The following ATIC variants were observed in gnomAD, a reference collection of about 807,000 sequenced individuals.
ATIC encodes bifunctional purine biosynthesis protein ATIC.
Under a neutral mutation model 72.5 loss-of-function variants are expected in ATIC, and 64 were observed. The observed-to-expected ratio is 0.88, with a 90% CI of 0.72 to 1.09. ATIC has a LOEUF of 1.09. ATIC is among the 50% of genes least tolerant of loss of function. The pLI, the probability that ATIC is intolerant of heterozygous loss-of-function variation, is 0.00. For missense variants in ATIC, 787 were observed against 732.4 expected, an observed-to-expected ratio of 1.07 and a Z score of -0.86; for synonymous variants, 281 against 267.1, an observed-to-expected ratio of 1.05 and a Z score of -0.51.
chr2:215,317,642 C>A (rs183529697), intron 2 of ATIC, among the ~76,000 whole-genome samples: 1 of 151,992 alleles, frequency 6.6e-6, no homozygotes, highest in Admixed American at 6.6e-5. Flanking sequence ...CCCGCCATCA[C>A]GCTCGGCTAA....
At chr2:215,355,314 C>G in the ATIC span, among the ~76,000 whole-genome samples, 1 of 152,142 alleles carries the variant, frequency 6.6e-6, no homozygotes, top group South Asian at 2.1e-4. Context: ...TGGAGTTTCA[C>G]TGGTGTTTAA....
intron 12 of ATIC, among the ~76,000 whole-genome samples, chr2:215,339,253 C>T (rs2052990741): frequency 6.6e-6 from 1 of 152,204 alleles, no homozygotes; most frequent in South Asian, 2.1e-4. Context: ...GGTGCAGTAG[C>T]TGACATTTGT....
intron 2 of ATIC, among the ~76,000 whole-genome samples, chr2:215,317,331 T>C (rs1161311476): frequency 6.6e-6 from 1 of 152,234 alleles, no homozygotes; most frequent in Non-Finnish European, 1.5e-5. Context: ...TCCTCACATA[T>C]TTAATTTTGC....
chr2:215,346,817 A>G lies in ATIC; in HGVS notation c.1379A>G (p.Asp460Gly). Residue 460 changes from aspartate to glycine, a missense_variant, in exon 14 of 16, where the codon GAT (aspartate) becomes GGT (glycine). By Grantham distance (94) the Asp-to-Gly change is moderately conservative. Transcript: ENST00000236959. Reference sequence around the variant, plus strand: ...ATACACTGCACTCGCCTTGCAGGAGATAAGGCAAACTATTGGTGGCTTAGA... The same window carrying G: ...ATACACTGCACTCGCCTTGCAGGAGGTAAGGCAAACTATTGGTGGCTTAGA... ...SRIHCTRLAG[D>G]KANYWWLRHH... The G allele has an allele frequency of 6.2e-6, 10 of 1,614,182 alleles. No individual in the cohort carries two copies. The highest frequency in any genetic ancestry group is 1.1e-5 in the South Asian group (1 of 91,082).
In ATIC at chr2:215,312,602, A is replaced by G. The variant is rs1264031936; in HGVS notation, c.124A>G (p.Arg42Gly). 7 of 1,614,220 alleles carry G rather than the reference A, an allele frequency of 4.3e-6. No homozygotes were observed. Among genetic ancestry groups the G allele is most frequent in the Non-Finnish European group, 5.9e-6 (7 of 1,180,032 alleles). Residue 42 changes from arginine to glycine, a missense_variant, in exon 2 of 16, where the codon AGG becomes GGG. Transcript: ENST00000236959. The part of the protein sequence containing the change: ...VASGGTAKAL[R>G]DAGLAVRDVS... The stretch of plus-strand genomic sequence containing the variant: ...TTCCGGAGGGACTGCAAAAGCTCTC[A>G]GGGATGCTGGTCTGGCAGTCAGGTA...
chr2:215,361,412 T>C, the ATIC span: 1 of 764,996 alleles, frequency 1.3e-6, no homozygotes, highest in Non-Finnish European at 2.4e-6. Context: ...AAGCTGTGAG[T>C]TGAGCTGAAG....
At chr2:215,314,544 G>A (rs2052689218) in intron 2 of ATIC, among the ~76,000 whole-genome samples, 1 of 151,844 alleles carries the variant, frequency 6.6e-6, no homozygotes, top group Admixed American at 6.6e-5. Flanking sequence ...TGTTGCTCAG[G>A]CTGGAGTGCA....
At chr2:215,345,023 T>C (rs2053058249) in intron 13 of ATIC, 152 bp downstream of exon 13, 1 of 811,282 alleles carries the variant, frequency 1.2e-6, no homozygotes, top group South Asian at 1.5e-5. Context: ...AGTACCCTGG[T>C]GGGCTGTTAA....
At chr2:215,335,876 A>G in intron 10 of ATIC, 159 bp from the exon 11 acceptor site, 3 of 620,174 alleles carry the variant, frequency 4.8e-6, no homozygotes, top group Non-Finnish European at 8.5e-6. Flanking sequence ...CTGTATTCTA[A>G]TAGATTTCTC....
At chr2:215,324,605 G>A (rs2052802473) in intron 4 of ATIC, among the ~76,000 whole-genome samples, 1 of 152,140 alleles carries the variant, frequency 6.6e-6, no homozygotes, top group African/African-American at 2.4e-5. Flanking sequence ...GTTTTCAGCA[G>A]TTAGGCTTGT....
the ATIC span, among the ~76,000 whole-genome samples, chr2:215,367,401 A>C: frequency 6.6e-6 from 1 of 152,174 alleles, no homozygotes. Flanking sequence ...TGTGTGACGC[A>C]AAAGTGTGTG....
chr2:215,356,880 T>A, the ATIC span, among the ~76,000 whole-genome samples: 1 of 152,278 alleles, frequency 6.6e-6, no homozygotes, highest in South Asian at 2.1e-4. Context: ...CTATGAATGA[T>A]GCTGCTATGA....
Position 215,312,101 on chromosome 2 carries a change from C to T in ATIC, c.-42C>T, listed in dbSNP as rs28366035. 0.16 allele frequency: 242,734 copies of T among 1,529,240 alleles called. 21,125 individuals carry two copies. The highest frequency in any genetic ancestry group is 0.33 in the East Asian group (13,200 of 40,442). The allele number at this position is 1,529,240 out of a possible 1,614,324, so 94.7% of individuals were successfully genotyped here. ...CTCCTACCTGCGCACGTGGTGCCGC[C>T]GCTGCTGCCTCCCGCTCGCCCTGAA... On this transcript the variant is annotated 5_prime_UTR_variant, in exon 1 of 16. Coordinates refer to ENST00000236959, the MANE Select transcript of ATIC (RefSeq NM_004044.7).
intron 7 of ATIC, 66 bp downstream of exon 7, chr2:215,327,044 A>G: frequency 6.9e-6 from 11 of 1,603,426 alleles, no homozygotes; most frequent in Non-Finnish European, 8.5e-6. Flanking sequence ...TCTGTATTGC[A>G]TCTGATGTGG....
intron 4 of ATIC, 136 bp from the exon 5 acceptor site, chr2:215,325,105 T>A: frequency 1.4e-6 from 1 of 693,060 alleles, no homozygotes; most frequent in Non-Finnish European, 2.6e-6. Context: ...TTCTAAAATG[T>A]CAGGCTCACA....
chr2:215,355,020 C>T, the ATIC span, among the ~76,000 whole-genome samples: 1 of 152,076 alleles, frequency 6.6e-6, no homozygotes, highest in Non-Finnish European at 1.5e-5. Context: ...CAGTTTAGGG[C>T]TGTCAACAGC....
At chr2:215,353,110 TAA>T (rs1245642782), downstream of ATIC, among the ~76,000 whole-genome samples, 4 of 152,356 alleles carry the variant, frequency 2.6e-5, no homozygotes, top group East Asian at 7.7e-4. Flanking sequence ...GGACCATGTT[TAA>T]AGTTATTATT....
intron 12 of ATIC, among the ~76,000 whole-genome samples, chr2:215,340,101 T>C (rs2053003422): frequency 6.6e-6 from 1 of 152,228 alleles, no homozygotes; most frequent in Non-Finnish European, 1.5e-5. Context: ...TTTAGATTGC[T>C]TACATTTTCA....
the ATIC span, chr2:215,364,611 T>C: frequency 7.4e-6 from 4 of 544,202 alleles, no homozygotes; most frequent in Non-Finnish European, 1.3e-5. Context: ...GGTGTTGCTA[T>C]TAAGAATGAC....
Sources: allele counts gnomAD v4.1 joint callset (sites outside exome capture counted in the v4.1 genomes callset), GRCh38; gene constraint gnomAD v4.1.1; transcripts MANE v1.5; gene names NCBI Gene and HGNC (gene_info 2026-07-23, HGNC 2026-07-21).